The following SAMD5 variants were observed in gnomAD, a reference collection of about 807,000 sequenced individuals.
SAMD5 encodes the protein sterile alpha motif domain-containing protein 5.
A neutral mutation model predicts 11.3 loss-of-function variants in SAMD5; 13 were observed. The observed-to-expected ratio is 1.15, with a 90% CI of 0.75 to 1.83. SAMD5 has a LOEUF of 1.83. Ranked by LOEUF, SAMD5 falls within the 40% of genes most tolerant of loss-of-function variation. The pLI, the probability that SAMD5 is intolerant of heterozygous loss-of-function variation, is 0.00. For synonymous variants in SAMD5, 129 were observed against 111.3 expected (o/e 1.16, Z -1.00); for missense variants, 255 against 239.1 (o/e 1.07, Z -0.44).
chr6:147,639,878 AT>A (rs146559836), intron 1 of SAMD5, among the ~76,000 whole-genome samples: 4,606 of 150,710 alleles, frequency 0.031, 111 homozygotes, highest in East Asian at 0.11. Flanking sequence ...TCTAATTGAG[AT>A]TTTTTTTTTC....
At chr6:147,782,562 A>G in the SAMD5 span, among the ~76,000 whole-genome samples, 117 of 152,322 alleles carry the variant, frequency 7.7e-4, no homozygotes, top group Non-Finnish European at 1.0e-3. Context: ...GGCTGTGGGA[A>G]TTATTCTCCT....
At position 147,509,378 on chromosome 6, in the gene SAMD5, C is replaced by A; in HGVS notation, c.450C>A (p.Tyr150Ter). ...RDGIHLSKPP[Y>*]SRKVPMAGIL... ...GCATCCACCTGAGCAAGCCCCCGTA[C>A]TCCCGCAAGGTAAGGAGGTGCCGTC... The change falls in exon 1 of 2, where the codon TAC becomes TAA. Residue 150 changes from tyrosine to a stop codon, truncating the protein, a stop_gained. Coordinates refer to ENST00000367474, the MANE Select transcript of SAMD5 (RefSeq NM_001030060.3). LOFTEE classifies it high-confidence loss of function. The A allele has an allele frequency of 6.5e-7, 1 of 1,549,658 alleles. No individual in the cohort carries two copies. Among genetic ancestry groups the A allele is most frequent in the Non-Finnish European group, 8.7e-7 (1 of 1,149,304 alleles).
rs142408182 is a variant in SAMD5 at position 147,639,075 on chromosome 6, C to T, written c.163-98242C>T. Among the ~76,000 whole-genome samples the T allele has an allele frequency of 2.6e-4, 39 of 152,118 alleles. 1 individual carries two copies. In the East Asian group the frequency reaches 7.2e-3, roughly 28 times the overall value. On this transcript the variant is annotated intron_variant, in intron 1 of 1. Transcript: ENST00000566741. The stretch of plus-strand genomic sequence containing the variant: ...ATTGTGATTCTAAAGATAGACAAGG[C>T]GGAGTTAGTTATTTAAACTGCAAAT...
intron 1 of SAMD5, among the ~76,000 whole-genome samples, chr6:147,648,069 G>C (rs992697287): frequency 1.3e-5 from 2 of 152,188 alleles, no homozygotes; most frequent in African/African-American, 4.8e-5. Context: ...AAGGCCAGCT[G>C]TCTGTTTTAT....
At chr6:147,548,996 G>C (rs1187187129) in intron 1 of SAMD5, among the ~76,000 whole-genome samples, 1 of 152,060 alleles carries the variant, frequency 6.6e-6, no homozygotes, top group Non-Finnish European at 1.5e-5. Flanking sequence ...AACTGTGCAT[G>C]GTTCACAAAT....
chr6:147,872,868 TC>T, the SAMD5 span, among the ~76,000 whole-genome samples: 3 of 152,170 alleles, frequency 2.0e-5, no homozygotes, highest in Non-Finnish European at 2.9e-5. Context: ...GAAATTCTGC[TC>T]CCCAACAAGT....
intron 1 of SAMD5, among the ~76,000 whole-genome samples, chr6:147,709,862 G>A (rs891532627): frequency 2.0e-5 from 3 of 152,018 alleles, no homozygotes; most frequent in African/African-American, 7.3e-5. Context: ...TTGTGGCCTC[G>A]CTATCTTAAC....
chr6:147,605,938 T>A (rs1182100269), intron 1 of SAMD5, among the ~76,000 whole-genome samples: 1 of 151,852 alleles, frequency 6.6e-6, no homozygotes, highest in Admixed American at 6.6e-5. Context: ...AAGACTCTAG[T>A]GGGCCCAGAG....
intron 1 of SAMD5, among the ~76,000 whole-genome samples, chr6:147,586,817 T>C (rs1789381027): frequency 6.6e-6 from 1 of 152,098 alleles, no homozygotes; most frequent in South Asian, 2.1e-4. Context: ...TCTATTAGCA[T>C]TCTTCCAGTT....
At chr6:147,840,962 G>A in the SAMD5 span, among the ~76,000 whole-genome samples, 1 of 152,186 alleles carries the variant, frequency 6.6e-6, no homozygotes, top group Admixed American at 6.5e-5. Context: ...TATATCAACA[G>A]AGGCAAAATA....
At chr6:147,849,196 C>T in the SAMD5 span, among the ~76,000 whole-genome samples, 1 of 145,502 alleles carries the variant, frequency 6.9e-6, no homozygotes, top group South Asian at 2.1e-4. Context: ...GATTTTAGAG[C>T]CTACCCTAAG....
chr6:147,773,302 A>C, the SAMD5 span, among the ~76,000 whole-genome samples: 2 of 152,212 alleles, frequency 1.3e-5, no homozygotes, highest in Non-Finnish European at 2.9e-5. Context: ...CAGAAGAACT[A>C]GGTTTGAGAA....
chr6:147,779,675 A>G, the SAMD5 span, among the ~76,000 whole-genome samples: 1 of 152,162 alleles, frequency 6.6e-6, no homozygotes, highest in Non-Finnish European at 1.5e-5. Context: ...GAAGGTTTCA[A>G]ATATTTTCAG....
chr6:147,865,415 A>T, the SAMD5 span, among the ~76,000 whole-genome samples: 2 of 152,046 alleles, frequency 1.3e-5, no homozygotes, highest in African/African-American at 2.4e-5. Flanking sequence ...AAAAGGAAAG[A>T]TGAATTGGCC....
At chr6:147,875,181 A>G in the SAMD5 span, among the ~76,000 whole-genome samples, 1 of 152,210 alleles carries the variant, frequency 6.6e-6, no homozygotes, top group African/African-American at 2.4e-5. Context: ...TATACTTGTC[A>G]GGTTTATTTT....
At chr6:147,897,115 C>T in the SAMD5 span, among the ~76,000 whole-genome samples, 7 of 152,274 alleles carry the variant, frequency 4.6e-5, no homozygotes, top group Non-Finnish European at 1.0e-4. Flanking sequence ...TCTAAATATA[C>T]TAAAAATGAC....
At chr6:147,515,090 A>G (rs2128439304) in intron 1 of SAMD5, among the ~76,000 whole-genome samples, 1 of 151,192 alleles carries the variant, frequency 6.6e-6, no homozygotes, top group South Asian at 2.1e-4. Context: ...TCGTGACATT[A>G]CTAGGGACAG....
chr6:147,570,218 G>A (rs1336106191), downstream of SAMD5, among the ~76,000 whole-genome samples: 1 of 152,126 alleles, frequency 6.6e-6, no homozygotes, highest in African/African-American at 2.4e-5. Flanking sequence ...TCCATCTTAC[G>A]AGCTGGGATC....
At chr6:147,572,468 C>T (rs1789150961), downstream of SAMD5, among the ~76,000 whole-genome samples, 1 of 152,032 alleles carries the variant, frequency 6.6e-6, no homozygotes, top group African/African-American at 2.4e-5. Flanking sequence ...TGTGAAAGCA[C>T]ACGAAAAATA....
Sources: gnomAD v4.1 joint callset for allele counts (sites outside exome capture counted in the v4.1 genomes callset) on GRCh38, gnomAD v4.1.1 for gene constraint, MANE v1.5 for transcripts, NCBI Gene and HGNC (gene_info 2026-07-23, HGNC 2026-07-21) for gene names.